The following SHROOM3 variants were observed in gnomAD, a reference collection of about 807,000 sequenced individuals.
SHROOM3 encodes the protein protein Shroom3.
SHROOM3 carries 47 observed loss-of-function variants against 138.6 expected under a neutral mutation model. The ratio of observed to expected loss-of-function variants is 0.34; its 90% confidence interval spans 0.27 to 0.43. The LOEUF is 0.43. Ranked by LOEUF, SHROOM3 falls within the 20% of genes least tolerant of loss-of-function variation. The probability of loss-of-function intolerance (pLI) is 1.00; values close to 1 mark genes in which losing one functional copy is unlikely to be tolerated. For missense variants in SHROOM3, 2,491 were observed against 2,596.5 expected (o/e 0.96, Z 0.88); for synonymous variants, 1,062 against 1,063.3 (o/e 1.00, Z 0.02).
At chr4:76,659,032 C>CA (rs34981910) in intron 2 of SHROOM3, among the ~76,000 whole-genome samples, 99,444 of 146,164 alleles carry the variant, frequency 0.68, 34,572 homozygotes, top group East Asian at 0.94. Context: ...TTAAACAAAC[C>CA]AAAAAAAAAA....
intron 10 of SHROOM3, among the ~76,000 whole-genome samples, chr4:76,777,873 A>T (rs1722620236): frequency 6.6e-6 from 1 of 152,246 alleles, no homozygotes; most frequent in African/African-American, 2.4e-5. Flanking sequence ...AAACTCTTAG[A>T]ATATGACATT....
intron 1 of SHROOM3, among the ~76,000 whole-genome samples, chr4:76,517,492 C>T (rs1048012526): frequency 3.3e-5 from 5 of 152,076 alleles, no homozygotes; most frequent in African/African-American, 1.2e-4. Flanking sequence ...AGAATTCTTG[C>T]TTGGTTAACT....
intron 2 of SHROOM3, 74 bp downstream of exon 2, chr4:76,555,837 G>C (rs1263651354): frequency 6.5e-7 from 1 of 1,538,998 alleles, no homozygotes; most frequent in Non-Finnish European, 8.8e-7. Context: ...CCCACCTCTG[G>C]GAAAAGAGCT....
At chr4:76,712,023 C>G (rs965474810) in intron 3 of SHROOM3, among the ~76,000 whole-genome samples, 4 of 152,264 alleles carry the variant, frequency 2.6e-5, no homozygotes, top group Admixed American at 2.0e-4. Flanking sequence ...GGTTATCACT[C>G]TTTCCTTTAG....
At chr4:76,627,553 C>T (rs1051680403) in intron 2 of SHROOM3, among the ~76,000 whole-genome samples, 3 of 152,136 alleles carry the variant, frequency 2.0e-5, no homozygotes, top group Non-Finnish European at 2.9e-5. Flanking sequence ...TTTAAGCTCT[C>T]TGGAAGTCAA....
intron 1 of SHROOM3, among the ~76,000 whole-genome samples, chr4:76,534,343 G>C (rs1732903764): frequency 6.6e-6 from 1 of 152,138 alleles, no homozygotes; most frequent in African/African-American, 2.4e-5. Flanking sequence ...AAACCCCCAA[G>C]TCCAAACATA....
In SHROOM3 at chr4:76,436,002, TGAG is replaced by T. The variant is rs1222912018; in HGVS notation, c.-50_-48del. The stretch of plus-strand genomic sequence containing the variant: ...TTGTGCTGTAGAAGCACTGCTTGCC[TGAG>T]TTTGCTTCAGGCATTTTAAATTTAA... On this transcript the variant is annotated 5_prime_UTR_variant, in exon 1 of 11. Transcript: ENST00000296043. The T allele has an allele frequency of 6.2e-7, 1 of 1,604,380 alleles. No homozygotes were observed. Among genetic ancestry groups the T allele is most frequent in the Non-Finnish European group, 8.5e-7 (1 of 1,172,656 alleles).
At chr4:76,667,995 T>G (rs1398551335) in intron 2 of SHROOM3, among the ~76,000 whole-genome samples, 2 of 89,926 alleles carry the variant, frequency 2.2e-5, no homozygotes, top group East Asian at 4.7e-4. Flanking sequence ...AAAAAAAAGT[T>G]GTTCTGCAGG....
intron 2 of SHROOM3, chr4:76,586,211 C>T: frequency 1.0e-6 from 1 of 981,998 alleles, no homozygotes; most frequent in Non-Finnish European, 1.2e-6. Context: ...TTCAAACTGC[C>T]TTTTGTGTTT....
chr4:76,657,794 G>GT (rs1736097181), intron 2 of SHROOM3, among the ~76,000 whole-genome samples: 1 of 152,210 alleles, frequency 6.6e-6, no homozygotes. Context: ...CCGGGCCCAA[G>GT]TAAGACAAGC....
At chr4:76,641,900 A>G (rs1483213336) in intron 2 of SHROOM3, among the ~76,000 whole-genome samples, 1 of 152,188 alleles carries the variant, frequency 6.6e-6, no homozygotes, top group Non-Finnish European at 1.5e-5. Context: ...TACTCCAGGG[A>G]GAGGCAGGTG....
intron 1 of SHROOM3, among the ~76,000 whole-genome samples, chr4:76,537,683 A>AG (rs1733009346): frequency 6.6e-6 from 1 of 152,020 alleles, no homozygotes; most frequent in African/African-American, 2.4e-5. Flanking sequence ...TCCCTTTAAG[A>AG]TTTTTGGTGT....
Position 76,741,006 on chromosome 4 carries a change from GAC to G in SHROOM3, c.2834_2835del (p.Asp945AlafsTer47). 2 of 1,488,408 alleles carry G rather than the reference GAC, an allele frequency of 1.3e-6. No homozygotes were observed. The highest frequency in any genetic ancestry group is 1.8e-6 in the Non-Finnish European group (2 of 1,123,194). The allele number at this position is 1,488,408 out of a possible 1,614,324, so 92.2% of individuals were successfully genotyped here. ...VLGATSFRRRDLELGAPVASR... is the reference protein window; with the variant it reads ...VLGATSFRRRXLELGAPVASR... ...GGGGGCCACCTCCTTTCGACGTCGA[GAC>G]CTGGAGCTGGGGGCGCCCGTGGCGT... On this transcript the variant is annotated frameshift_variant, in exon 5 of 11. Transcript: ENST00000296043. LOFTEE classifies it high-confidence loss of function. The surrounding 1 kb of genome is among the most constrained non-coding windows in gnomAD (Gnocchi z 6.2).
At chr4:76,459,340 A>T (rs907100081) in intron 1 of SHROOM3, among the ~76,000 whole-genome samples, 1 of 152,094 alleles carries the variant, frequency 6.6e-6, no homozygotes, top group East Asian at 1.9e-4. Flanking sequence ...TCCTCATTAG[A>T]CCTTCCCCAT....
At chr4:76,519,052 A>G (rs1173860808) in intron 1 of SHROOM3, among the ~76,000 whole-genome samples, 1 of 152,168 alleles carries the variant, frequency 6.6e-6, no homozygotes, top group African/African-American at 2.4e-5. Flanking sequence ...TGCCCTTGGA[A>G]GAGAACTGAG....
rs1488623838 is a variant in SHROOM3, at chr4:76,779,731, G to C, written c.*554G>C. ...TTGATTCTGTTTTGTGGTGGACATA[G>C]ATGATTACGTTTGAGCTTTGTATTT... is the stretch of plus-strand genomic sequence containing the variant. On this transcript the variant is annotated 3_prime_UTR_variant, in exon 11 of 11. Coordinates refer to ENST00000296043, the MANE Select transcript of SHROOM3 (RefSeq NM_020859.4). 1 of 153,226 alleles carries C rather than the reference G, an allele frequency of 6.5e-6. No individual in the cohort carries two copies. Among genetic ancestry groups the C allele is most frequent in the Non-Finnish European group, 1.5e-5 (1 of 68,450 alleles). The allele number at this position is 153,226 out of a possible 1,614,324, so 9.5% of individuals were successfully genotyped here. A position where few individuals can be genotyped will look rare whatever the true frequency, so the allele number is the denominator to read the frequency against.
chr4:76,437,569 C>A (rs1213472712), intron 1 of SHROOM3, among the ~76,000 whole-genome samples: 3 of 152,102 alleles, frequency 2.0e-5, no homozygotes, highest in Admixed American at 2.0e-4. Flanking sequence ...CTCATTAGAC[C>A]TTTGCTTTCA....
intron 2 of SHROOM3, among the ~76,000 whole-genome samples, chr4:76,608,718 CAGCACAGCACAGCAT>C (rs56873755): frequency 0.35 from 40,985 of 115,870 alleles, 8,294 homozygotes; most frequent in East Asian, 0.61. Context: ...CAGCACAGCA[CAGCACAGCACAGCAT>C]AGCATAGCAT....
intron 2 of SHROOM3, among the ~76,000 whole-genome samples, chr4:76,561,569 A>T (rs1733596226): frequency 6.6e-6 from 1 of 151,904 alleles, no homozygotes; most frequent in African/African-American, 2.4e-5. Flanking sequence ...TGGCCAAAAT[A>T]AGAGTCTAGT....
Sources: gnomAD v4.1 joint callset for allele counts (sites outside exome capture counted in the v4.1 genomes callset) on GRCh38, gnomAD v4.1.1 for gene constraint, Gnocchi (gnomAD v3.1) non-coding constraint, MANE v1.5 for transcripts, NCBI Gene and HGNC (gene_info 2026-07-23, HGNC 2026-07-21) for gene names.